The following PDE4D variants were observed in gnomAD, a reference collection of about 807,000 sequenced individuals.
PDE4D encodes the protein 3',5'-cyclic-AMP phosphodiesterase 4D.
In PDE4D, 24 loss-of-function variants were observed where a neutral mutation model predicts 87.4. That is an observed-to-expected ratio of 0.27 (90% CI 0.20 to 0.39). The LOEUF is 0.39. Among genes scored for constraint, PDE4D ranks in the 10% least tolerant of loss-of-function variants. PDE4D has a pLI of 1.00. For synonymous variants in PDE4D, 384 were observed against 383.2 expected (o/e 1.00, Z -0.02); for missense variants, 714 against 1,041.0 (o/e 0.69, Z 4.32).
chr5:60,341,792 G>A (rs776971254), intron 1 of PDE4D, among the ~76,000 whole-genome samples: 1 of 152,112 alleles, frequency 6.6e-6, no homozygotes, highest in Non-Finnish European at 1.5e-5. Flanking sequence ...TCAGAACTAT[G>A]CACCAGATTG....
intron 5 of PDE4D, among the ~76,000 whole-genome samples, chr5:59,053,268 T>C (rs1426971397): frequency 6.6e-6 from 1 of 151,908 alleles, no homozygotes; most frequent in Non-Finnish European, 1.5e-5. Flanking sequence ...TTTTGAATAC[T>C]CCAGCTTTGC....
At chr5:59,220,690 A>G (rs933054599) in intron 1 of PDE4D, among the ~76,000 whole-genome samples, 7 of 152,108 alleles carry the variant, frequency 4.6e-5, no homozygotes, top group African/African-American at 1.4e-4. Flanking sequence ...TCTTTGAAAC[A>G]TAATTTTATC....
intron 1 of PDE4D, among the ~76,000 whole-genome samples, chr5:59,309,376 C>A (rs560852426): frequency 6.6e-6 from 1 of 152,312 alleles, no homozygotes; most frequent in African/African-American, 2.4e-5. Context: ...CTGGATGGAT[C>A]CCTGTGATGC....
intron 3 of PDE4D, among the ~76,000 whole-genome samples, chr5:59,934,397 A>T (rs1205424043): frequency 1.3e-5 from 2 of 152,170 alleles, no homozygotes; most frequent in African/African-American, 4.8e-5. Context: ...TTGGTCAGGG[A>T]GTGTCTGATA....
intron 1 of PDE4D, among the ~76,000 whole-genome samples, chr5:59,566,671 T>C (rs1820987971): frequency 6.6e-6 from 1 of 152,038 alleles, no homozygotes; most frequent in Non-Finnish European, 1.5e-5. Flanking sequence ...AAGAACCATG[T>C]CTGATTTGGC....
intron 2 of PDE4D, among the ~76,000 whole-genome samples, chr5:60,183,848 A>C (rs1032371526): frequency 2.6e-5 from 4 of 152,230 alleles, no homozygotes; most frequent in Non-Finnish European, 5.9e-5. Flanking sequence ...TTATAGCCCT[A>C]AAGTGACAAC....
At chr5:59,134,445 A>G (rs1402760358) in intron 5 of PDE4D, among the ~76,000 whole-genome samples, 1 of 152,028 alleles carries the variant, frequency 6.6e-6, no homozygotes, top group African/African-American at 2.4e-5. Flanking sequence ...GTTTGGAACC[A>G]CTTAATGCTA....
At chr5:59,574,038 ATTT>A (rs1561239599) in intron 1 of PDE4D, among the ~76,000 whole-genome samples, 4 of 107,236 alleles carry the variant, frequency 3.7e-5, no homozygotes, top group Non-Finnish European at 7.0e-5. Flanking sequence ...AAAAATATAT[ATTT>A]ATATATATTT....
At chr5:59,376,269 C>T (rs563643602) in intron 1 of PDE4D, among the ~76,000 whole-genome samples, 2 of 152,208 alleles carry the variant, frequency 1.3e-5, no homozygotes, top group East Asian at 3.9e-4. Flanking sequence ...TTACACGATC[C>T]TATATCTAGA....
At chr5:59,898,372 C>T (rs1050507301), upstream of PDE4D, among the ~76,000 whole-genome samples, 11 of 152,092 alleles carry the variant, frequency 7.2e-5, no homozygotes, top group African/African-American at 2.7e-4. Flanking sequence ...TTGTGTCTTG[C>T]AGAGGAAATA....
At chr5:59,373,549 T>G (rs901632524) in intron 1 of PDE4D, among the ~76,000 whole-genome samples, 1 of 152,140 alleles carries the variant, frequency 6.6e-6, no homozygotes, top group Non-Finnish European at 1.5e-5. Flanking sequence ...AGACTGAATC[T>G]ACGACTCATT....
intron 6 of PDE4D, among the ~76,000 whole-genome samples, chr5:59,008,933 C>T (rs2153362968): frequency 6.6e-6 from 1 of 152,146 alleles, no homozygotes; most frequent in South Asian, 2.1e-4. Flanking sequence ...ACAAACACTT[C>T]ATAAGAATCA....
intron 1 of PDE4D, among the ~76,000 whole-genome samples, chr5:59,341,526 A>G (rs970411787): frequency 6.6e-6 from 1 of 152,226 alleles, no homozygotes; most frequent in Non-Finnish European, 1.5e-5. Flanking sequence ...TGTTGAATAC[A>G]AATTGTGTAC....
chr5:60,468,789 T>C (rs1747595921), intron 1 of PDE4D, among the ~76,000 whole-genome samples: 1 of 151,600 alleles, frequency 6.6e-6, no homozygotes, highest in Non-Finnish European at 1.5e-5. Context: ...GCCTCCAAAA[T>C]TGCTGGGACT....
intron 6 of PDE4D, among the ~76,000 whole-genome samples, chr5:59,012,904 T>A (rs533126730): frequency 6.6e-6 from 1 of 152,272 alleles, no homozygotes; most frequent in African/African-American, 2.4e-5. Flanking sequence ...TAGTTGGAAG[T>A]AAAGCACTCC....
chr5:59,370,644 T>G (rs1338713873), intron 1 of PDE4D, among the ~76,000 whole-genome samples: 2 of 152,192 alleles, frequency 1.3e-5, no homozygotes, highest in African/African-American at 4.8e-5. Context: ...TGTGTTTATG[T>G]ATTTCATATA....
At chr5:59,810,021 C>T (rs968448879) in intron 1 of PDE4D, among the ~76,000 whole-genome samples, 1 of 152,194 alleles carries the variant, frequency 6.6e-6, no homozygotes. Context: ...TCACGTGAAT[C>T]CTGAAATGTC....
At chr5:60,251,560 T>C (rs1292576049) in intron 1 of PDE4D, among the ~76,000 whole-genome samples, 1 of 151,988 alleles carries the variant, frequency 6.6e-6, no homozygotes, top group Non-Finnish European at 1.5e-5. Flanking sequence ...TATGGCTGCA[T>C]AGTATTCCAT....
intron 2 of PDE4D, among the ~76,000 whole-genome samples, chr5:60,034,659 G>A (rs1021042741): frequency 6.6e-6 from 1 of 152,052 alleles, no homozygotes; most frequent in African/African-American, 2.4e-5. Flanking sequence ...ATTACGACTT[G>A]GATATCTTTT....
Sources: allele counts gnomAD v4.1 joint callset (sites outside exome capture counted in the v4.1 genomes callset), GRCh38; gene constraint gnomAD v4.1.1; transcripts MANE v1.5; gene names NCBI Gene and HGNC (gene_info 2026-07-23, HGNC 2026-07-21).